Variants in DPP10 observed in about 807,000 individuals in gnomAD.
DPP10 encodes inactive dipeptidyl peptidase 10.
A neutral mutation model predicts 120.9 loss-of-function variants in DPP10; 33 were observed. The ratio of observed to expected loss-of-function variants is 0.27; its 90% confidence interval spans 0.21 to 0.37. The LOEUF is 0.37. DPP10 is among the 10% of genes least tolerant of loss of function. The probability of loss-of-function intolerance (pLI) is 1.00; values close to 1 mark genes in which losing one functional copy is unlikely to be tolerated. For missense variants in DPP10, 816 were observed against 942.8 expected, an observed-to-expected ratio of 0.87 and a Z score of 1.76; for synonymous variants, 337 against 326.1, an observed-to-expected ratio of 1.03 and a Z score of -0.36.
In DPP10 at chr2:114,628,185, T is replaced by A. The variant is rs143502216; in HGVS notation, c.60+185347T>A. On this transcript the variant is annotated intron_variant, in intron 1 of 25. Coordinates refer to ENST00000410059, the MANE Select transcript of DPP10 (RefSeq NM_020868.6). ...TCTTATACTGGGCCTTGAATTAGAT[T>A]GAATAATTAACTGTGATTTAAGATT... Among the ~76,000 whole-genome samples the A allele has an allele frequency of 3.2e-3, 484 of 152,272 alleles. 2 individuals are homozygous for A. Among genetic ancestry groups the A allele is most frequent in the African/African-American group, 0.011 (451 of 41,560 alleles).
intron 1 of DPP10, among the ~76,000 whole-genome samples, chr2:115,013,216 T>G (rs1702388540): frequency 6.6e-6 from 1 of 152,146 alleles, no homozygotes; most frequent in Non-Finnish European, 1.5e-5. Flanking sequence ...TCACCGTTTG[T>G]TTTTCTGTAA....
At chr2:115,780,508 A>G (rs1682621982) in intron 15 of DPP10, among the ~76,000 whole-genome samples, 1 of 151,828 alleles carries the variant, frequency 6.6e-6, no homozygotes, top group Non-Finnish European at 1.5e-5. Context: ...ACATTGAATA[A>G]TCTCTGTGGG....
At chr2:115,282,824 C>T (rs773048325) in intron 1 of DPP10, among the ~76,000 whole-genome samples, 1 of 151,850 alleles carries the variant, frequency 6.6e-6, no homozygotes, top group Non-Finnish European at 1.5e-5. Context: ...GTTTCAGTCT[C>T]ACTGACAAAA....
chr2:115,734,059 CTTCCCA>C (rs1306348629), intron 8 of DPP10, among the ~76,000 whole-genome samples: 1 of 152,178 alleles, frequency 6.6e-6, no homozygotes, highest in Non-Finnish European at 1.5e-5. Context: ...TATTTACCAC[CTTCCCA>C]TTCCAGGTAG....
chr2:114,634,778 T>C (rs965910563), intron 1 of DPP10, among the ~76,000 whole-genome samples: 1 of 151,972 alleles, frequency 6.6e-6, no homozygotes, highest in African/African-American at 2.4e-5. Context: ...TTATTATAAC[T>C]AGTAAAACTA....
rs147731007 is a variant in DPP10, at chr2:115,417,407, G to A, written c.271+73495G>A. On this transcript the variant is annotated intron_variant, in intron 3 of 25. Coordinates refer to ENST00000410059, the MANE Select transcript of DPP10 (RefSeq NM_020868.6). ...TTTGGAGGAAATTAGAAAATAATTT[G>A]CAGTTTAGAAGGGGGTTATCTTATA... Among the ~76,000 whole-genome samples, 1,125 of 152,234 alleles carry A rather than the reference G, an allele frequency of 7.4e-3. 6 individuals are homozygous for A. The highest frequency in any genetic ancestry group is 0.025 in the African/African-American group (1,029 of 41,560).
chr2:115,570,408 G>C (rs1043651274), intron 5 of DPP10, among the ~76,000 whole-genome samples: 2 of 152,150 alleles, frequency 1.3e-5, no homozygotes, highest in Non-Finnish European at 2.9e-5. Flanking sequence ...CTTTACTGGT[G>C]CCCAACACCT....
intron 8 of DPP10, among the ~76,000 whole-genome samples, chr2:115,737,642 G>T (rs185532832): frequency 1.7e-4 from 26 of 152,248 alleles, no homozygotes; most frequent in African/African-American, 5.5e-4. Context: ...TAGATCAGTT[G>T]CAAGGCCCCC....
At chr2:114,754,456 GTC>G (rs1315522346) in intron 1 of DPP10, among the ~76,000 whole-genome samples, 1 of 152,212 alleles carries the variant, frequency 6.6e-6, no homozygotes, top group Non-Finnish European at 1.5e-5. Context: ...GTCAGGGCAT[GTC>G]TCTAAGTCTA....
At chr2:115,216,790 A>C (rs890717387) in intron 1 of DPP10, among the ~76,000 whole-genome samples, 3 of 152,132 alleles carry the variant, frequency 2.0e-5, no homozygotes, top group African/African-American at 7.2e-5. Flanking sequence ...GTCTCAAAAA[A>C]AGAAAAGGTC....
chr2:115,767,272 G>A (rs1381283161), intron 12 of DPP10, among the ~76,000 whole-genome samples: 1 of 152,054 alleles, frequency 6.6e-6, no homozygotes, highest in African/African-American at 2.4e-5. Context: ...CAGAAAGACA[G>A]TAGAGGGCCA....
At chr2:114,645,086 G>A (rs1355039063) in intron 1 of DPP10, among the ~76,000 whole-genome samples, 1 of 150,154 alleles carries the variant, frequency 6.7e-6, no homozygotes, top group African/African-American at 2.5e-5. Context: ...TATTGTAAGT[G>A]TGATGAGTGA....
chr2:115,309,388 G>A (rs897571145), intron 2 of DPP10, 35 bp downstream of exon 2: 41 of 1,586,850 alleles, frequency 2.6e-5, no homozygotes, highest in Non-Finnish European at 3.5e-5. Context: ...ATGATGGATG[G>A]TATTGTGGAT....
At chr2:114,554,379 G>T (rs965527417) in intron 1 of DPP10, among the ~76,000 whole-genome samples, 7 of 152,338 alleles carry the variant, frequency 4.6e-5, no homozygotes, top group Middle Eastern at 3.4e-3. Context: ...CATCACTGGG[G>T]CTGTGTCACC....
At chr2:115,142,513 T>C (rs2050985276) in intron 1 of DPP10, among the ~76,000 whole-genome samples, 1 of 152,110 alleles carries the variant, frequency 6.6e-6, no homozygotes, top group Admixed American at 6.6e-5. Context: ...AGTTTAGAAA[T>C]TGAAGCACAG....
intron 1 of DPP10, among the ~76,000 whole-genome samples, chr2:114,560,953 A>G (rs1026158728): frequency 6.6e-6 from 1 of 151,908 alleles, no homozygotes; most frequent in Non-Finnish European, 1.5e-5. Context: ...CCCACCTCAA[A>G]CTTCCTTTTT....
intron 1 of DPP10, among the ~76,000 whole-genome samples, chr2:115,070,908 T>G (rs193256073): frequency 4.4e-4 from 67 of 152,310 alleles, no homozygotes; most frequent in Admixed American, 4.1e-3. Flanking sequence ...AAAATGTTTA[T>G]TTGGCTTTAG....
intron 10 of DPP10, among the ~76,000 whole-genome samples, chr2:115,747,024 C>A (rs1678068989): frequency 6.6e-6 from 1 of 152,062 alleles, no homozygotes; most frequent in South Asian, 2.1e-4. Context: ...AATTTCATCC[C>A]AGTTGGTCAT....
chr2:115,029,610 A>AT (rs1414148529), intron 1 of DPP10, among the ~76,000 whole-genome samples: 1 of 151,526 alleles, frequency 6.6e-6, no homozygotes. Context: ...CCTAGATGGC[A>AT]TTTTTTTCTT....
Sources: gnomAD v4.1 joint callset for allele counts (sites outside exome capture counted in the v4.1 genomes callset) on GRCh38, gnomAD v4.1.1 for gene constraint, MANE v1.5 for transcripts, NCBI Gene and HGNC (gene_info 2026-07-23, HGNC 2026-07-21) for gene names.